LAMC3: variants seen among roughly 807,000 people sequenced by gnomAD.
LAMC3 encodes the protein laminin subunit gamma 3.
LAMC3 carries 128 observed loss-of-function variants against 173.8 expected under a neutral mutation model. The observed-to-expected ratio is 0.74, with a 90% CI of 0.64 to 0.85. The LOEUF (loss-of-function observed/expected upper bound fraction) is 0.85, where lower values mean the gene tolerates loss of function less well. LAMC3 is among the 40% of genes least tolerant of loss of function. LAMC3 has a pLI of 0.00. For synonymous variants in LAMC3, 897 were observed against 909.1 expected, an observed-to-expected ratio of 0.99 and a Z score of 0.24; for missense variants, 2,022 against 2,156.0, an observed-to-expected ratio of 0.94 and a Z score of 1.23.
chr9:131,012,576 G>A (rs796984908), intron 1 of LAMC3, among the ~76,000 whole-genome samples: 3 of 152,346 alleles, frequency 2.0e-5, no homozygotes, highest in African/African-American at 4.8e-5. Flanking sequence ...GGGGCCCAGC[G>A]CAGCCCCAGA....
At position 131,026,378 on chromosome 9, in the gene LAMC3, C is replaced by T; in HGVS notation, c.467C>T (p.Pro156Leu). The T allele has an allele frequency of 2.5e-6, 4 of 1,614,160 alleles. No individual in the cohort carries two copies. Among genetic ancestry groups the T allele is most frequent in the Non-Finnish European group, 3.4e-6 (4 of 1,180,050 alleles). The change falls in exon 2 of 28, where the codon CCA becomes CTA. Residue 156 changes from proline (P) to leucine (L), a missense_variant. Pro to Leu is a moderately conservative substitution (Grantham distance 98). Transcript: ENST00000361069. The surrounding 1 kb of genome is among the most constrained non-coding windows in gnomAD (Gnocchi z 4.8). Reference sequence around the variant, plus strand: ...TACAAGCGCAGCCGCGCCGACGGCCCATGGGAGCCCTACCAGTTCTACAGC... The same window carrying T: ...TACAAGCGCAGCCGCGCCGACGGCCTATGGGAGCCCTACCAGTTCTACAGC... ...AIYKRSRADG[P>L]WEPYQFYSAS...
intron 2 of LAMC3, among the ~76,000 whole-genome samples, chr9:131,027,337 G>A (rs986095019): frequency 2.6e-5 from 4 of 152,264 alleles, no homozygotes; most frequent in African/African-American, 4.8e-5. Context: ...ACTCTCCGCT[G>A]AGGGGCCTCG....
At chr9:131,083,892 T>G (rs894484094) in intron 24 of LAMC3, among the ~76,000 whole-genome samples, 1,079 of 104,348 alleles carry the variant, frequency 0.01, 23 homozygotes, top group African/African-American at 0.042. Flanking sequence ...TTTTTTTTTT[T>G]GAGATAGAGT....
chr9:131,046,783 C>G (rs544199767), intron 8 of LAMC3, among the ~76,000 whole-genome samples: 33 of 152,088 alleles, frequency 2.2e-4, no homozygotes, highest in African/African-American at 7.7e-4. Context: ...CTGCGTGGGC[C>G]CCAGCGATGT....
At chr9:131,075,501 T>C (rs1280628264) in intron 20 of LAMC3, among the ~76,000 whole-genome samples, 1 of 150,538 alleles carries the variant, frequency 6.6e-6, no homozygotes, top group Non-Finnish European at 1.5e-5. Flanking sequence ...GAGGGGAGGT[T>C]GCAGTGAGCT....
chr9:131,027,188 C>A (rs1265095284), intron 2 of LAMC3, among the ~76,000 whole-genome samples: 1 of 152,262 alleles, frequency 6.6e-6, no homozygotes, highest in Non-Finnish European at 1.5e-5. Context: ...GGGCTGTCAA[C>A]CCACCTGGCC....
In LAMC3 at chr9:131,091,919, A is replaced by C; in HGVS notation, c.*132A>C. 1 of 1,038,270 alleles carries C rather than the reference A, an allele frequency of 9.6e-7. No homozygotes were observed. Among genetic ancestry groups the C allele is most frequent in the Non-Finnish European group, 1.4e-6 (1 of 737,044 alleles). The allele number at this position is 1,038,270 out of a possible 1,614,324, so 64.3% of individuals were successfully genotyped here. On this transcript the variant is annotated 3_prime_UTR_variant, in exon 28 of 28. Coordinates refer to ENST00000361069, the MANE Select transcript of LAMC3 (RefSeq NM_006059.4). ...CTGCTGTGAACTCGCCCCCGTGTGG[A>C]TAGTCACTCCCTGCCGATTCTGTCT...
intron 4 of LAMC3, among the ~76,000 whole-genome samples, chr9:131,037,916 G>T (rs1220220834): frequency 6.6e-6 from 1 of 152,202 alleles, no homozygotes; most frequent in African/African-American, 2.4e-5. Context: ...AGCAAGCTCT[G>T]CTAGCCTCTG....
intron 13 of LAMC3, among the ~76,000 whole-genome samples, chr9:131,063,997 T>C (rs1829878795): frequency 6.6e-6 from 1 of 152,060 alleles, no homozygotes; most frequent in Admixed American, 6.6e-5. Flanking sequence ...AACCTCCACC[T>C]CCCAGGTTCA....
At chr9:131,088,255 C>T (rs1184020616) in intron 27 of LAMC3, among the ~76,000 whole-genome samples, 1 of 152,156 alleles carries the variant, frequency 6.6e-6, no homozygotes, top group African/African-American at 2.4e-5. Context: ...CTGGCTCTGT[C>T]CCTTCTTTGG....
chr9:131,046,983 G>A (rs548227209), intron 8 of LAMC3, among the ~76,000 whole-genome samples: 5 of 152,064 alleles, frequency 3.3e-5, no homozygotes, highest in Non-Finnish European at 5.9e-5. Flanking sequence ...TCCTGGGTCC[G>A]GGGGTCTAGG....
rs1830004493 is a variant in LAMC3 at position 131,069,666 on chromosome 9, C to T, written c.2891-6C>T. On this transcript the variant is annotated splice_region_variant and splice_polypyrimidine_tract_variant and intron_variant, in intron 16 of 27. Transcript: ENST00000361069. ...ACCCAGCACGCACTGCCCCTGGCCCCTCTAGCCTGCAGGTGCTCCCCACTG... is the reference window on the plus strand; with the variant it reads ...ACCCAGCACGCACTGCCCCTGGCCCTTCTAGCCTGCAGGTGCTCCCCACTG... The T allele has an allele frequency of 2.5e-6, 4 of 1,599,114 alleles. No homozygotes were observed. Among genetic ancestry groups the T allele is most frequent in the East Asian group, 2.3e-5 (1 of 44,260 alleles).
intron 3 of LAMC3, among the ~76,000 whole-genome samples, chr9:131,033,555 C>T (rs11244253): frequency 1.4e-4 from 22 of 151,998 alleles, no homozygotes; most frequent in Non-Finnish European, 2.6e-4. Flanking sequence ...AGGGCCTGGG[C>T]GGGTTTAGCC....
intron 11 of LAMC3, among the ~76,000 whole-genome samples, chr9:131,055,007 T>C (rs530501980): frequency 1.2e-3 from 189 of 152,286 alleles, no homozygotes; most frequent in African/African-American, 4.2e-3. Context: ...ATGGGTGCTC[T>C]GTGAGGTTTT....
At chr9:131,052,302 TG>T (rs1249929942) in intron 9 of LAMC3, among the ~76,000 whole-genome samples, 188 bp from the exon 10 acceptor site, 1 of 152,176 alleles carries the variant, frequency 6.6e-6, no homozygotes, top group African/African-American at 2.4e-5. Flanking sequence ...AAGCCAAGTG[TG>T]GGGGCGTGTG....
rs760414991 is a variant in LAMC3, at chr9:131,066,954, A to C, written c.2348-6A>C. On this transcript the variant is annotated splice_polypyrimidine_tract_variant and splice_region_variant and intron_variant, in intron 13 of 27. Transcript: ENST00000361069. The stretch of plus-strand genomic sequence containing the variant: ...TGTTCCCCACACGTGCTCCCTCTAC[A>C]CACAGGGCGGCGCTGTGAGGTCTGT... 1.2e-6 allele frequency: 2 copies of C among 1,613,588 alleles called. No individual in the cohort carries two copies. Among genetic ancestry groups the C allele is most frequent in the South Asian group, 2.2e-5 (2 of 91,070 alleles).
chr9:131,020,906 G>A (rs1833612594), intron 1 of LAMC3, among the ~76,000 whole-genome samples: 1 of 152,190 alleles, frequency 6.6e-6, no homozygotes, highest in African/African-American at 2.4e-5. Flanking sequence ...TATATCCCCA[G>A]AAGTGGAAGT....
chr9:131,026,467 C>T lies in LAMC3; in HGVS notation c.556C>T (p.Arg186Cys), dbSNP rs770336960. ...GQYLRPGEDERVAFCTSEFSD... is the reference protein window; with the variant it reads ...GQYLRPGEDECVAFCTSEFSD... ...GTACCTGCGCCCCGGCGAGGACGAG[C>T]GCGTGGCCTTCTGCACCTCTGAGTT... The change falls in exon 2 of 28, where the codon CGC (arginine) becomes TGC (cysteine). Residue 186 changes from arginine (R) to cysteine (C), a missense_variant. Coordinates refer to ENST00000361069, the MANE Select transcript of LAMC3 (RefSeq NM_006059.4). This position sits in a 1 kb window ranked among gnomAD's most constrained non-coding sequence, Gnocchi z 4.8. 4.5e-5 allele frequency: 72 copies of T among 1,613,528 alleles called. 2 individuals are homozygous for T. The South Asian group carries it at 7.1e-4, about 16-fold the overall frequency.
In LAMC3 at chr9:131,009,214, C is replaced by G. The variant is rs1833355632; in HGVS notation, c.-1C>G. The G allele has an allele frequency of 8.2e-7, 1 of 1,225,320 alleles. No homozygotes were observed. The allele number at this position is 1,225,320 out of a possible 1,614,324, so 75.9% of individuals were successfully genotyped here. A position where few individuals can be genotyped will look rare whatever the true frequency, so the allele number is the denominator to read the frequency against. Reference sequence around the variant, plus strand: ...AGCGCGCGGCGTCGGTGCCCTTGACCATGGCGGCGGCTGCGCTTCTGCTGG... The same window carrying G: ...AGCGCGCGGCGTCGGTGCCCTTGACGATGGCGGCGGCTGCGCTTCTGCTGG... On this transcript the variant is annotated 5_prime_UTR_variant, in exon 1 of 28. Coordinates refer to ENST00000361069, the MANE Select transcript of LAMC3 (RefSeq NM_006059.4). The surrounding 1 kb of genome is among the most constrained non-coding windows in gnomAD (Gnocchi z 4.3).
Sources: allele counts gnomAD v4.1 joint callset (sites outside exome capture counted in the v4.1 genomes callset), GRCh38; gene constraint gnomAD v4.1.1; non-coding constraint Gnocchi (gnomAD v3.1); transcripts MANE v1.5; gene names NCBI Gene and HGNC (gene_info 2026-07-23, HGNC 2026-07-21).